SYNGR3: variants seen among roughly 807,000 people sequenced by gnomAD.
The protein encoded by SYNGR3 is synaptogyrin-3.
Under a neutral mutation model 18.5 loss-of-function variants are expected in SYNGR3, and 10 were observed. The ratio of observed to expected loss-of-function variants is 0.54; its 90% CI spans 0.33 to 0.92. The LOEUF is 0.92. Ranked by LOEUF, SYNGR3 falls within the 40% of genes least tolerant of loss-of-function variation. The probability of loss-of-function intolerance (pLI) is 0.02; values close to 1 mark genes in which losing one functional copy is unlikely to be tolerated. For synonymous variants in SYNGR3, 188 were observed against 157.2 expected (o/e 1.20, Z -1.47); for missense variants, 335 against 332.8 (o/e 1.01, Z -0.05).
In SYNGR3 at chr16:1,992,875, G is replaced by C; in HGVS notation, c.493G>C (p.Val165Leu). 1.3e-6 allele frequency: 2 copies of C among 1,582,026 alleles called. No homozygotes were observed. Among genetic ancestry groups the C allele is most frequent in the African/African-American group, 1.3e-5 (1 of 74,220 alleles). Reference sequence around the variant, plus strand: ...CCGCCCCGCGCAGGTGGCGCTCACCGTGAAGGCCCTGCAGCGGTTCCGCCT... The same window carrying C: ...CCGCCCCGCGCAGGTGGCGCTCACCCTGAAGGCCCTGCAGCGGTTCCGCCT... Reference protein sequence around the residue: ...FSILSWVALTVKALQRFRLGT... With the variant: ...FSILSWVALTLKALQRFRLGT... Residue 165 changes from valine (V) to leucine (L), a missense_variant, in exon 4 of 4, where the codon GTG (valine) becomes CTG (leucine). Physicochemically the swap from Val to Leu is conservative, Grantham distance 32. Coordinates refer to ENST00000248121, the MANE Select transcript of SYNGR3 (RefSeq NM_004209.6).
rs758117762 is a variant in SYNGR3 at position 1,992,856 on chromosome 16, C to T, written c.481-7C>T. The T allele has an allele frequency of 4.3e-5, 66 of 1,549,712 alleles. No homozygotes were observed. The highest frequency in any genetic ancestry group is 5.5e-5 in the Non-Finnish European group (63 of 1,148,920). Reference sequence around the variant, plus strand: ...CCGGCTGACCCCGCTGACCCCGCCCCGCGCAGGTGGCGCTCACCGTGAAGG... The same window carrying T: ...CCGGCTGACCCCGCTGACCCCGCCCTGCGCAGGTGGCGCTCACCGTGAAGG... On this transcript the variant is annotated splice_polypyrimidine_tract_variant and splice_region_variant and intron_variant, in intron 3 of 3. Transcript: ENST00000248121.
At chr16:1,991,681 A>C (rs764432005) in intron 1 of SYNGR3, 57 of 413,122 alleles carry the variant, frequency 1.4e-4, no homozygotes, top group Middle Eastern at 1.3e-3. Flanking sequence ...CCCCGCATTT[A>C]TAAAGAGAAT....
In SYNGR3 at chr16:1,993,126, AGGGTCTCC is replaced by A; in HGVS notation, c.*58_*65del. 1.3e-6 allele frequency: 2 copies of A among 1,555,936 alleles called. No individual in the cohort carries two copies. The highest frequency in any genetic ancestry group is 1.7e-6 in the Non-Finnish European group (2 of 1,150,416). On this transcript the variant is annotated 3_prime_UTR_variant, in exon 4 of 4. Coordinates refer to ENST00000248121, the MANE Select transcript of SYNGR3 (RefSeq NM_004209.6). The stretch of plus-strand genomic sequence containing the variant: ...AGGCCACCCCACCAACGCAGGCCCC[AGGGTCTCC>A]GGGACCTCCCTTGGGTCCTTCCAGC...
Position 1,992,700 on chromosome 16 carries a change from GC to G in SYNGR3, c.404del (p.Pro135GlnfsTer31). 2 of 1,601,362 alleles carry G rather than the reference GC, an allele frequency of 1.2e-6. No homozygotes were observed. The highest frequency in any genetic ancestry group is 1.7e-6 in the Non-Finnish European group (2 of 1,176,580). On this transcript the variant is annotated frameshift_variant, in exon 3 of 4. Coordinates refer to ENST00000248121, the MANE Select transcript of SYNGR3 (RefSeq NM_004209.6). LOFTEE classifies it high-confidence loss of function. ...TCACCAATCAGTGGCAGCGCACGGC[GC>G]CAGGGCCGGCCACGACGCAGGCGGG... ...FLTNQWQRTA[P>X]GPATTQAGDA...
intron 1 of SYNGR3, chr16:1,990,606 T>A: frequency 2.5e-6 from 1 of 398,330 alleles, no homozygotes; most frequent in East Asian, 1.0e-4. Flanking sequence ...GCGCCTCCCC[T>A]TCCCCCGCAC....
At position 1,993,015 on chromosome 16, in the gene SYNGR3, G is replaced by A. The variant is rs1301266085; in HGVS notation, c.633G>A (p.Pro211=). The change falls in exon 4 of 4, where the codon CCG becomes CCA. Residue 211 remains proline (P), a synonymous_variant. Coordinates refer to ENST00000248121, the MANE Select transcript of SYNGR3 (RefSeq NM_004209.6). The part of the protein sequence containing the change: ...GVEGTETYQS[P]PFTETLDTSP... ...AGGGCACCGAGACCTACCAGAGCCC[G>A]CCCTTCACCGAGACCCTGGACACCA... 1.2e-6 allele frequency: 2 copies of A among 1,611,948 alleles called. No homozygotes were observed. Among genetic ancestry groups the A allele is most frequent in the South Asian group, 2.2e-5 (2 of 91,028 alleles).
At chr16:1,992,403 C>T in intron 2 of SYNGR3, 192 bp downstream of exon 2, 1 of 704,668 alleles carries the variant, frequency 1.4e-6, no homozygotes. Context: ...GGGAGCGCCG[C>T]GGGACTTTCT....
At position 1,993,441 on chromosome 16, in the gene SYNGR3, A is replaced by G. The variant is rs554897915; in HGVS notation, c.*369A>G. ...CAGGTGCAGGGGCTGCCCAGGACAAAGCGGGGGCAGGGGAAAGACACCACC... is the reference window on the plus strand; with the variant it reads ...CAGGTGCAGGGGCTGCCCAGGACAAGGCGGGGGCAGGGGAAAGACACCACC... On this transcript the variant is annotated 3_prime_UTR_variant, in exon 4 of 4. Coordinates refer to ENST00000248121, the MANE Select transcript of SYNGR3 (RefSeq NM_004209.6). 1.5e-5 allele frequency: 8 copies of G among 516,212 alleles called. No individual in the cohort carries two copies. The East Asian group carries it at 3.1e-4, about 20-fold the overall frequency. The allele number at this position is 516,212 out of a possible 1,614,324, so 32.0% of individuals were successfully genotyped here. A position where few individuals can be genotyped will look rare whatever the true frequency, so the allele number is the denominator to read the frequency against.
In SYNGR3 at chr16:1,993,234, C is replaced by G; in HGVS notation, c.*162C>G. ...GAGGGGGTGGACCCGCGTGTCTGGGCTGCCCCTGCCAAGTTCCCCCAGTCC... is the reference window on the plus strand; with the variant it reads ...GAGGGGGTGGACCCGCGTGTCTGGGGTGCCCCTGCCAAGTTCCCCCAGTCC... On this transcript the variant is annotated 3_prime_UTR_variant, in exon 4 of 4. Coordinates refer to ENST00000248121, the MANE Select transcript of SYNGR3 (RefSeq NM_004209.6). The G allele has an allele frequency of 1.1e-6, 1 of 882,872 alleles. No individual in the cohort carries two copies. The highest frequency in any genetic ancestry group is 1.7e-6 in the Non-Finnish European group (1 of 585,334). 54.7% of individuals were successfully genotyped at this position (882,872 alleles called of 1,614,324 possible). A position where few individuals can be genotyped will look rare whatever the true frequency, so the allele number is the denominator to read the frequency against.
rs1254221046 is a variant in SYNGR3, at chr16:1,993,615, G to A, written c.*543G>A. The A allele has an allele frequency of 2.2e-6, 1 of 456,888 alleles. No homozygotes were observed. Among genetic ancestry groups the A allele is most frequent in the East Asian group, 6.9e-5 (1 of 14,412 alleles). 28.3% of individuals were successfully genotyped at this position (456,888 alleles called of 1,614,324 possible). A position where few individuals can be genotyped will look rare whatever the true frequency, so the allele number is the denominator to read the frequency against. On this transcript the variant is annotated 3_prime_UTR_variant, in exon 4 of 4. Transcript: ENST00000248121. Reference sequence around the variant, plus strand: ...CTGCTAGAACAGCCCAGCCCTGTCAGTGTTGTGATCATGGTCCAGTCTTCG... The same window carrying A: ...CTGCTAGAACAGCCCAGCCCTGTCAATGTTGTGATCATGGTCCAGTCTTCG...
Position 1,990,173 on chromosome 16 carries a change from C to A in SYNGR3, c.71C>A (p.Pro24His). Residue 24 changes from proline (P) to histidine (H), a missense_variant, in exon 1 of 4, where the codon CCC becomes CAC. Transcript: ENST00000248121. ...ALDPVSFARRPQTLLRVASWV... is the reference protein window; with the variant it reads ...ALDPVSFARRHQTLLRVASWV... ...GACCCCGTGAGCTTTGCGCGGCGGC[C>A]CCAGACCCTGCTCCGGGTCGCGTCC... 2 of 1,277,260 alleles carry A rather than the reference C, an allele frequency of 1.6e-6. No individual in the cohort carries two copies. Among genetic ancestry groups the A allele is most frequent in the Non-Finnish European group, 9.9e-7 (1 of 1,010,282 alleles). 79.1% of individuals were successfully genotyped at this position (1,277,260 alleles called of 1,614,324 possible).
At chr16:1,990,451 C>A in intron 1 of SYNGR3, 1 of 540,596 alleles carries the variant, frequency 1.8e-6, no homozygotes, top group Non-Finnish European at 3.5e-6. Context: ...CGCCGGTCGC[C>A]TCTACCCCTA....
chr16:1,992,868 G>A lies in SYNGR3; in HGVS notation c.486G>A (p.Ala162=). 2.6e-6 allele frequency: 4 copies of A among 1,568,078 alleles called. No individual in the cohort carries two copies. Among genetic ancestry groups the A allele is most frequent in the African/African-American group, 1.4e-5 (1 of 73,700 alleles). The stretch of plus-strand genomic sequence containing the variant: ...GCTGACCCCGCCCCGCGCAGGTGGC[G>A]CTCACCGTGAAGGCCCTGCAGCGGT... ...FSFFSILSWV[A]LTVKALQRFR... The change falls in exon 4 of 4, where the codon GCG becomes GCA. Residue 162 remains alanine (A), a synonymous_variant. Coordinates refer to ENST00000248121, the MANE Select transcript of SYNGR3 (RefSeq NM_004209.6).
At chr16:1,991,933 G>A in intron 1 of SYNGR3, 41 bp from the exon 2 acceptor site, 1 of 1,538,864 alleles carries the variant, frequency 6.5e-7, no homozygotes, top group Non-Finnish European at 8.8e-7. Context: ...GCTCGCAGAG[G>A]TCGGGTCGCC....
rs773935314 is a variant in SYNGR3, at chr16:1,992,591, G to A, written c.338-45G>A. The A allele has an allele frequency of 3.8e-6, 6 of 1,570,596 alleles. No homozygotes were observed. In the East Asian group the frequency reaches 7.4e-5, roughly 19 times the overall value. ...TCCTCCTCCGGGCGAGGCCGCCGTG[G>A]GCCACCGCGTGGAGCGTCGCCCTGA... is the stretch of plus-strand genomic sequence containing the variant. On this transcript the variant is annotated intron_variant, in intron 2 of 3. Coordinates refer to ENST00000248121, the MANE Select transcript of SYNGR3 (RefSeq NM_004209.6).
In SYNGR3 at chr16:1,993,187, G is replaced by C. The variant is rs1417417228; in HGVS notation, c.*115G>C. 7.6e-7 allele frequency: 1 copy of C among 1,315,368 alleles called. No individual in the cohort carries two copies. Among genetic ancestry groups the C allele is most frequent in the African/African-American group, 1.5e-5 (1 of 67,918 alleles). The allele number at this position is 1,315,368 out of a possible 1,614,324, so 81.5% of individuals were successfully genotyped here. On this transcript the variant is annotated 3_prime_UTR_variant, in exon 4 of 4. Coordinates refer to ENST00000248121, the MANE Select transcript of SYNGR3 (RefSeq NM_004209.6). ...AGTGCCGCGGACAGAGTAGGTGGCC[G>C]CTTTGCGCCATCCGGGGCCAAGAGG...
chr16:1,992,584 C>T (rs1416470247), intron 2 of SYNGR3, 52 bp from the exon 3 acceptor site: 81 of 1,564,502 alleles, frequency 5.2e-5, no homozygotes, highest in Non-Finnish European at 6.9e-5. Flanking sequence ...CGGGCGAGGC[C>T]GCCGTGGGCC....
rs1309433607 is a variant in SYNGR3 at position 1,993,580 on chromosome 16, C to T, written c.*508C>T. The T allele has an allele frequency of 2.2e-6, 1 of 457,930 alleles. No individual in the cohort carries two copies. Among genetic ancestry groups the T allele is most frequent in the African/African-American group, 2.0e-5 (1 of 50,160 alleles). 28.4% of individuals were successfully genotyped at this position (457,930 alleles called of 1,614,324 possible). The stretch of plus-strand genomic sequence containing the variant: ...CCCGTCCGGAGCCACTCTCCACTTT[C>T]TCTCACAGGCTGCTAGAACAGCCCA... On this transcript the variant is annotated 3_prime_UTR_variant, in exon 4 of 4. Transcript: ENST00000248121.
At position 1,992,127 on chromosome 16, in the gene SYNGR3, T is replaced by C; in HGVS notation, c.253T>C (p.Phe85Leu). 1 of 1,545,418 alleles carries C rather than the reference T, an allele frequency of 6.5e-7. No homozygotes were observed. Among genetic ancestry groups the C allele is most frequent in the Non-Finnish European group, 8.7e-7 (1 of 1,148,028 alleles). Reference sequence around the variant, plus strand: ...CGGAGCCTTCCTCGCCTGCGCCGCCTTCCTGCTGCTCGATGTGCGCTTCCA... The same window carrying C: ...CGGAGCCTTCCTCGCCTGCGCCGCCCTCCTGCTGCTCGATGTGCGCTTCCA... ...GLGAFLACAA[F>L]LLLDVRFQQI... Residue 85 changes from phenylalanine to leucine, a missense_variant, in exon 2 of 4, where the codon TTC becomes CTC. Physicochemically the swap from Phe to Leu is conservative, Grantham distance 22. Coordinates refer to ENST00000248121, the MANE Select transcript of SYNGR3 (RefSeq NM_004209.6).
Sources: gnomAD v4.1 joint callset for allele counts on GRCh38, gnomAD v4.1.1 for gene constraint, MANE v1.5 for transcripts, NCBI Gene and HGNC (gene_info 2026-07-23, HGNC 2026-07-21) for gene names.